Variants in LRRTM3 observed in about 807,000 individuals in gnomAD.
LRRTM3 encodes leucine-rich repeat transmembrane neuronal protein 3.
In LRRTM3, 24 loss-of-function variants were observed where a neutral mutation model predicts 44.7. The observed-to-expected ratio is 0.54, with a 90% CI of 0.39 to 0.76. LRRTM3 has a LOEUF of 0.76. LRRTM3 is among the 30% of genes least tolerant of loss of function. The probability of loss-of-function intolerance (pLI) is 0.00; values close to 1 mark genes in which losing one functional copy is unlikely to be tolerated. For missense variants in LRRTM3, 587 were observed against 702.2 expected, an observed-to-expected ratio of 0.84 and a Z score of 1.85; for synonymous variants, 277 against 278.7, an observed-to-expected ratio of 0.99 and a Z score of 0.06.
chr10:67,046,174 T>A (rs1854731788), intron 2 of LRRTM3, among the ~76,000 whole-genome samples: 1 of 152,228 alleles, frequency 6.6e-6, no homozygotes, highest in Non-Finnish European at 1.5e-5. Context: ...CATATTAGAA[T>A]GTAGAATTAT....
chr10:67,090,177 TC>T (rs763616178), intron 2 of LRRTM3, among the ~76,000 whole-genome samples: 14 of 152,168 alleles, frequency 9.2e-5, no homozygotes, highest in Non-Finnish European at 1.9e-4. Context: ...AAGGTTCCTG[TC>T]CCCATCTTGA....
chr10:67,096,991 G>A (rs1858030716), intron 2 of LRRTM3, among the ~76,000 whole-genome samples: 2 of 151,884 alleles, frequency 1.3e-5, no homozygotes. Flanking sequence ...GGCTTGTCTA[G>A]ATAATTCTCT....
chr10:66,926,887 G>A, intron 1 of LRRTM3, 34 bp from the exon 2 acceptor site: 1 of 1,519,058 alleles, frequency 6.6e-7, no homozygotes, highest in Non-Finnish European at 8.8e-7. Context: ...TCTTTTTTGG[G>A]GGGATAACTT....
intron 2 of LRRTM3, among the ~76,000 whole-genome samples, chr10:67,021,875 T>C (rs1443752425): frequency 6.6e-6 from 1 of 152,048 alleles, no homozygotes; most frequent in African/African-American, 2.4e-5. Context: ...TACTAGGAGT[T>C]TGAAGGGATG....
intron 2 of LRRTM3, among the ~76,000 whole-genome samples, chr10:67,053,821 C>T (rs1049266364): frequency 6.6e-6 from 1 of 152,074 alleles, no homozygotes; most frequent in Non-Finnish European, 1.5e-5. Flanking sequence ...CTTTTGAAGC[C>T]AAAACAAAAT....
At chr10:67,068,422 T>C (rs1379593352) in intron 2 of LRRTM3, among the ~76,000 whole-genome samples, 2 of 152,188 alleles carry the variant, frequency 1.3e-5, no homozygotes, top group African/African-American at 4.8e-5. Context: ...GTCTGTTAAG[T>C]AGTTGAATAC....
chr10:67,001,613 T>G (rs940632022), intron 2 of LRRTM3, among the ~76,000 whole-genome samples: 2 of 152,064 alleles, frequency 1.3e-5, no homozygotes. Context: ...ATAAATTTAG[T>G]CTTTAATACT....
At chr10:67,052,470 A>G (rs1267430924) in intron 2 of LRRTM3, 1 of 152,214 alleles carries the variant, frequency 6.6e-6, no homozygotes, top group Non-Finnish European at 1.5e-5. Context: ...TCTAATCCAA[A>G]TAATATTTCC....
intron 2 of LRRTM3, among the ~76,000 whole-genome samples, chr10:66,942,449 G>A (rs1017730005): frequency 4.6e-5 from 7 of 151,988 alleles, no homozygotes; most frequent in African/African-American, 1.7e-4. Context: ...TTAGTATTGT[G>A]TTTCTTCTAG....
chr10:67,000,748 C>G (rs1261573023), intron 2 of LRRTM3, among the ~76,000 whole-genome samples: 2 of 152,054 alleles, frequency 1.3e-5, no homozygotes, highest in East Asian at 3.9e-4. Context: ...TCCCTCACCC[C>G]ACACCTGACA....
In LRRTM3 at chr10:66,926,292, C is replaced by T. The variant is rs1847069327; in HGVS notation, c.-292C>T. 5.7e-6 allele frequency: 3 copies of T among 524,698 alleles called. No homozygotes were observed. Among genetic ancestry groups the T allele is most frequent in the South Asian group, 4.0e-5 (2 of 49,750 alleles). 32.5% of individuals were successfully genotyped at this position (524,698 alleles called of 1,614,324 possible). On this transcript the variant is annotated 5_prime_UTR_variant, in exon 1 of 3. Transcript: ENST00000361320. ...TTTTTAACCGCCCCCTCCCCACCCC[C>T]CAAAAAACTGTAAAGATGCAAAAAC...
chr10:67,037,163 T>G (rs1369112651), intron 2 of LRRTM3, among the ~76,000 whole-genome samples: 1 of 152,130 alleles, frequency 6.6e-6, no homozygotes, highest in Non-Finnish European at 1.5e-5. Flanking sequence ...TAGAGAGATG[T>G]TCACACATCT....
intron 2 of LRRTM3, among the ~76,000 whole-genome samples, chr10:67,081,369 C>T (rs1857049735): frequency 1.3e-5 from 2 of 152,178 alleles, no homozygotes; most frequent in Non-Finnish European, 2.9e-5. Context: ...ACAATCATCT[C>T]TTTCACTTAT....
intron 2 of LRRTM3, among the ~76,000 whole-genome samples, chr10:66,934,973 G>A (rs1847613532): frequency 5.3e-5 from 8 of 152,110 alleles, no homozygotes; most frequent in Admixed American, 5.2e-4. Flanking sequence ...AATGTCATCA[G>A]ACAGTGAAGC....
At chr10:67,040,898 A>ATT (rs1431784493) in intron 2 of LRRTM3, among the ~76,000 whole-genome samples, 1 of 152,166 alleles carries the variant, frequency 6.6e-6, no homozygotes, top group Non-Finnish European at 1.5e-5. Context: ...AAAGATAAAA[A>ATT]AGACCTTGAC....
intron 2 of LRRTM3, among the ~76,000 whole-genome samples, chr10:67,022,915 GCAAGA>G (rs1853121543): frequency 6.6e-6 from 1 of 152,098 alleles, no homozygotes; most frequent in African/African-American, 2.4e-5. Flanking sequence ...TCCAGCCTGG[GCAAGA>G]GAGTAAGACT....
At chr10:67,038,793 T>C (rs1281618710) in intron 2 of LRRTM3, among the ~76,000 whole-genome samples, 6 of 152,186 alleles carry the variant, frequency 3.9e-5, no homozygotes, top group Middle Eastern at 3.4e-3. Context: ...TCTCTTTATA[T>C]TGTCTGATAC....
intron 2 of LRRTM3, among the ~76,000 whole-genome samples, chr10:67,064,969 C>G (rs1261425961): frequency 6.6e-6 from 1 of 152,110 alleles, no homozygotes; most frequent in Non-Finnish European, 1.5e-5. Context: ...CCAGACCCTC[C>G]TTGGAGTTAT....
At chr10:67,021,374 T>TA (rs1395371856) in intron 2 of LRRTM3, among the ~76,000 whole-genome samples, 1 of 152,122 alleles carries the variant, frequency 6.6e-6, no homozygotes, top group African/African-American at 2.4e-5. Flanking sequence ...CAGTAAATAA[T>TA]ACTTTTGGAA....
Sources: gnomAD v4.1 joint callset for allele counts (sites outside exome capture counted in the v4.1 genomes callset) on GRCh38, gnomAD v4.1.1 for gene constraint, MANE v1.5 for transcripts, NCBI Gene and HGNC (gene_info 2026-07-23, HGNC 2026-07-21) for gene names.